Variants in GALNT16 observed in about 807,000 individuals in gnomAD.
GALNT16 encodes the protein polypeptide N-acetylgalactosaminyltransferase 16.
A neutral mutation model predicts 76.1 loss-of-function variants in GALNT16; 40 were observed. The observed-to-expected ratio is 0.53, with a 90% CI of 0.41 to 0.68. The LOEUF is 0.68. Among genes scored for constraint, GALNT16 ranks in the 30% least tolerant of loss-of-function variants. The pLI is 0.00. For synonymous variants in GALNT16, 276 were observed against 285.2 expected (o/e 0.97, Z 0.32); for missense variants, 621 against 731.9 (o/e 0.85, Z 1.75).
intron 1 of GALNT16, among the ~76,000 whole-genome samples, chr14:69,320,091 C>A (rs1751560): frequency 2.0e-5 from 3 of 152,254 alleles, no homozygotes; most frequent in South Asian, 2.1e-4. Flanking sequence ...ACTCACCCCC[C>A]CAATATCCCG....
the GALNT16 span, among the ~76,000 whole-genome samples, chr14:69,379,528 T>C: frequency 2.6e-5 from 4 of 152,226 alleles, no homozygotes; most frequent in East Asian, 3.8e-4. Context: ...AATCTTATGC[T>C]GTGTCAAGAT....
In GALNT16 at chr14:69,328,484, G is replaced by C; in HGVS notation, c.603G>C (p.Val201=). Residue 201 remains valine, a synonymous_variant, in exon 6 of 15, where the codon GTG becomes GTC. Coordinates refer to ENST00000448469, the MANE Select transcript of GALNT16 (RefSeq NM_001168368.2). ...LIRSRVRGAD[V]AAATVLTFLD... is the part of the protein sequence containing the mutation. ...GGTCCCGAGTGCGTGGGGCGGACGT[G>C]GCTGCAGCTACCGTTCTCACCTTTC... The C allele has an allele frequency of 6.2e-7, 1 of 1,614,038 alleles. No homozygotes were observed. The highest frequency in any genetic ancestry group is 1.1e-5 in the South Asian group (1 of 91,072).
chr14:69,295,584 G>A (rs1322217742), intron 1 of GALNT16, among the ~76,000 whole-genome samples: 2 of 152,058 alleles, frequency 1.3e-5, no homozygotes, highest in Non-Finnish European at 2.9e-5. Context: ...GCCAGGCATG[G>A]TGGCACGTGC....
chr14:69,359,728 T>C (rs761261588), downstream of GALNT16, among the ~76,000 whole-genome samples: 2 of 152,188 alleles, frequency 1.3e-5, no homozygotes, highest in Non-Finnish European at 2.9e-5. Flanking sequence ...TGGGAACTTA[T>C]TAGAAATGTA....
intron 12 of GALNT16, among the ~76,000 whole-genome samples, chr14:69,343,890 A>G (rs1030120400): frequency 4.6e-5 from 7 of 152,240 alleles, no homozygotes; most frequent in Non-Finnish European, 7.3e-5. Flanking sequence ...AGCTACGTCG[A>G]TGAGGAGCAG....
At chr14:69,275,505 A>G (rs2140109292) in intron 1 of GALNT16, among the ~76,000 whole-genome samples, 1 of 152,364 alleles carries the variant, frequency 6.6e-6, no homozygotes, top group South Asian at 2.1e-4. Flanking sequence ...TCCATATATC[A>G]TCCTTGGGTG....
chr14:69,365,770 C>T, the GALNT16 span, among the ~76,000 whole-genome samples: 2 of 150,006 alleles, frequency 1.3e-5, no homozygotes, highest in African/African-American at 4.9e-5. Flanking sequence ...CACATGTACC[C>T]CTGAGCTTAA....
intron 4 of GALNT16, among the ~76,000 whole-genome samples, chr14:69,325,611 G>A (rs2045271809): frequency 6.6e-6 from 1 of 152,184 alleles, no homozygotes; most frequent in Non-Finnish European, 1.5e-5. Context: ...TGCTTTGGAT[G>A]GGACTCTAGT....
chr14:69,335,561 T>A (rs759324132), intron 9 of GALNT16, among the ~76,000 whole-genome samples: 3 of 152,142 alleles, frequency 2.0e-5, no homozygotes, highest in Non-Finnish European at 4.4e-5. Context: ...GAGAAACAAG[T>A]GAATGATCAA....
intron 1 of GALNT16, among the ~76,000 whole-genome samples, chr14:69,315,570 T>A (rs1323033377): frequency 6.6e-6 from 1 of 152,178 alleles, no homozygotes; most frequent in Non-Finnish European, 1.5e-5. Context: ...AGGCTGGGAA[T>A]GCCCCACCCA....
chr14:69,381,619 T>C, the GALNT16 span, among the ~76,000 whole-genome samples: 74 of 152,220 alleles, frequency 4.9e-4, 2 homozygotes, highest in South Asian at 0.014. Flanking sequence ...TAAATTCTTA[T>C]CTGAATTAAC....
the GALNT16 span, among the ~76,000 whole-genome samples, chr14:69,382,311 G>GTCCATGCTTCCTAATTAAATAAGC: frequency 1.3e-5 from 2 of 152,120 alleles, no homozygotes; most frequent in South Asian, 2.1e-4. Flanking sequence ...AAAACTCTTT[G>GTCCATGCTTCCTAATTAAATAAGC]TCCATGCTTC....
At chr14:69,354,961 A>G (rs1342266962), downstream of GALNT16, 1 of 152,280 alleles carries the variant, frequency 6.6e-6, no homozygotes, top group Non-Finnish European at 1.5e-5. Flanking sequence ...CCTGGGTAAA[A>G]ACAGCAAAAT....
At chr14:69,372,765 G>A in the GALNT16 span, among the ~76,000 whole-genome samples, 1 of 152,176 alleles carries the variant, frequency 6.6e-6, no homozygotes, top group Admixed American at 6.5e-5. Context: ...AGGATACGTT[G>A]AGGTATCAAG....
intron 1 of GALNT16, among the ~76,000 whole-genome samples, chr14:69,296,802 G>GAT (rs1301887874): frequency 9.2e-6 from 1 of 108,460 alleles, no homozygotes; most frequent in African/African-American, 4.2e-5. Flanking sequence ...CAGACAGATA[G>GAT]AGCTAGATAG....
At chr14:69,346,919 C>CG in intron 12 of GALNT16, 121 bp from the exon 13 acceptor site, 1 of 1,199,922 alleles carries the variant, frequency 8.3e-7, no homozygotes, top group Non-Finnish European at 1.2e-6. Context: ...AGGCTGCTCC[C>CG]GGGCCCCTTC....
chr14:69,333,686 A>ACCTGACCTAAGGT lies in GALNT16; in HGVS notation c.967+90_967+91insACCTAAGGTCCTG. 1.3e-6 allele frequency: 1 copy of ACCTGACCTAAGGT among 753,842 alleles called. No homozygotes were observed. 46.7% of individuals were successfully genotyped at this position (753,842 alleles called of 1,614,324 possible). On this transcript the variant is annotated intron_variant, in intron 9 of 14. Transcript: ENST00000448469. The surrounding 1 kb of genome is among the most constrained non-coding windows in gnomAD (Gnocchi z 4.2). ...GACAGAGCACTTTCTATGCGTGAGG[A>ACCTGACCTAAGGT]CCTGCTCTAAGGACTTTACACACAT...
intron 1 of GALNT16, among the ~76,000 whole-genome samples, chr14:69,317,856 A>T (rs908669417): frequency 6.6e-6 from 1 of 152,218 alleles, no homozygotes; most frequent in African/African-American, 2.4e-5. Context: ...GGAGGAGTTC[A>T]AGAGCTGGAA....
At chr14:69,336,352 T>C (rs965732046) in intron 9 of GALNT16, among the ~76,000 whole-genome samples, 2 of 152,190 alleles carry the variant, frequency 1.3e-5, no homozygotes, top group African/African-American at 4.8e-5. Context: ...TCTCAGGTGA[T>C]CCACCCGCCT....
Sources: gnomAD v4.1 joint callset for allele counts (sites outside exome capture counted in the v4.1 genomes callset) on GRCh38, gnomAD v4.1.1 for gene constraint, Gnocchi (gnomAD v3.1) non-coding constraint, MANE v1.5 for transcripts, NCBI Gene and HGNC (gene_info 2026-07-23, HGNC 2026-07-21) for gene names.